YWHAG: variants seen among roughly 807,000 people sequenced by gnomAD.
The protein encoded by YWHAG is tyrosine 3-monooxygenase/tryptophan 5-monooxygenase activation protein gamma.
In YWHAG, 1 loss-of-function variant was observed where a neutral mutation model predicts 23.3. That is an observed-to-expected ratio of 0.04 (90% CI 0.02 to 0.20). The LOEUF (loss-of-function observed/expected upper bound fraction) is 0.20. Ranked by LOEUF, YWHAG falls within the 10% of genes least tolerant of loss-of-function variation. The probability of loss-of-function intolerance (pLI) is 1.00; values close to 1 mark genes in which losing one functional copy is unlikely to be tolerated. For missense variants in YWHAG, 151 were observed against 338.6 expected, an observed-to-expected ratio of 0.45 and a Z score of 4.35; for synonymous variants, 160 against 144.0, an observed-to-expected ratio of 1.11 and a Z score of -0.80.
In YWHAG at chr7:76,344,167, G is replaced by A. The variant is rs149120483; in HGVS notation, c.88-13934C>T. 1.4e-3 allele frequency among the ~76,000 whole-genome samples: 217 copies of A among 152,192 alleles called. 4 individuals carry two copies. The East Asian group carries it at 0.037, about 26-fold the overall frequency. On this transcript the variant is annotated intron_variant, in intron 1 of 1. Transcript: ENST00000307630. ...GCTCTGTTGCCTAGGCTGGAATGCA[G>A]TGGTGCGATATCGGCTCACTGCAGC...
chr7:76,335,768 T>C (rs1394278528), intron 1 of YWHAG, among the ~76,000 whole-genome samples: 3 of 152,196 alleles, frequency 2.0e-5, no homozygotes, highest in Non-Finnish European at 4.4e-5. Flanking sequence ...CTGGCCAACA[T>C]GGCGAAACCC....
rs950800770 is a variant in YWHAG at position 76,358,918 on chromosome 7, G to C, written c.-110C>G. ...GCCGGAGAGGACCGACCCACAGAGC[G>C]AGCAGCTGAGGCGGCGGCTGCGCGG... On this transcript the variant is annotated 5_prime_UTR_variant, in exon 1 of 2. Coordinates refer to ENST00000307630, the MANE Select transcript of YWHAG (RefSeq NM_012479.4). 2.9e-6 allele frequency: 3 copies of C among 1,030,580 alleles called. No homozygotes were observed. Among genetic ancestry groups the C allele is most frequent in the Admixed American group, 3.7e-5 (1 of 27,234 alleles). The allele number at this position is 1,030,580 out of a possible 1,614,324, so 63.8% of individuals were successfully genotyped here.
At chr7:76,337,209 A>G (rs1257963834) in intron 1 of YWHAG, among the ~76,000 whole-genome samples, 1 of 152,116 alleles carries the variant, frequency 6.6e-6, no homozygotes, top group African/African-American at 2.4e-5. Context: ...GGCATCTGAG[A>G]ACTTGGATTT....
At chr7:76,336,682 C>T (rs1488824343) in intron 1 of YWHAG, among the ~76,000 whole-genome samples, 4 of 151,804 alleles carry the variant, frequency 2.6e-5, no homozygotes, top group African/African-American at 9.7e-5. Flanking sequence ...TCTCGAACTC[C>T]TGACCTCAGG....
chr7:76,354,862 CTTAT>C (rs953736384), intron 1 of YWHAG, among the ~76,000 whole-genome samples: 3 of 152,190 alleles, frequency 2.0e-5, no homozygotes, highest in Non-Finnish European at 4.4e-5. Flanking sequence ...GTAAATTGTT[CTTAT>C]TTATTTGGGT....
chr7:76,357,360 C>T (rs1403838976), intron 1 of YWHAG, among the ~76,000 whole-genome samples: 2 of 152,194 alleles, frequency 1.3e-5, no homozygotes, highest in African/African-American at 2.4e-5. Context: ...AGGTACACTC[C>T]AGCATCCACT....
At chr7:76,358,561 G>A (rs906046733) in intron 1 of YWHAG, among the ~76,000 whole-genome samples, 161 bp downstream of exon 1, 1 of 152,134 alleles carries the variant, frequency 6.6e-6, no homozygotes, top group Admixed American at 6.5e-5. Flanking sequence ...CACAGCCCGG[G>A]TTCCCGTCGC....
intron 1 of YWHAG, among the ~76,000 whole-genome samples, chr7:76,338,162 T>A (rs1583986031): frequency 6.6e-6 from 1 of 152,182 alleles, no homozygotes; most frequent in Non-Finnish European, 1.5e-5. Flanking sequence ...ATACAACTTA[T>A]TCACATTGGA....
chr7:76,329,396 T>C lies in YWHAG; in HGVS notation c.*181A>G. 2 of 732,848 alleles carry C rather than the reference T, an allele frequency of 2.7e-6. No homozygotes were observed. The highest frequency in any genetic ancestry group is 4.3e-6 in the Non-Finnish European group (2 of 461,102). The allele number at this position is 732,848 out of a possible 1,614,324, so 45.4% of individuals were successfully genotyped here. ...CCAATACCAGCACAGCTAGCCTGAC[T>C]TTCCACTAGTGGTATTTTGGCAAAA... On this transcript the variant is annotated 3_prime_UTR_variant, in exon 2 of 2. Coordinates refer to ENST00000307630, the MANE Select transcript of YWHAG (RefSeq NM_012479.4). This position sits in a 1 kb window ranked among gnomAD's most constrained non-coding sequence, Gnocchi z 6.1.
At chr7:76,358,489 G>A (rs1047721454) in intron 1 of YWHAG, among the ~76,000 whole-genome samples, 1 of 151,986 alleles carries the variant, frequency 6.6e-6, no homozygotes, top group African/African-American at 2.4e-5. Context: ...CCCGGCCCGC[G>A]CCCGCGCCGG....
chr7:76,342,341 A>G (rs1803709972), intron 1 of YWHAG, among the ~76,000 whole-genome samples: 1 of 152,198 alleles, frequency 6.6e-6, no homozygotes, highest in South Asian at 2.1e-4. Context: ...AAATGCAGAT[A>G]ATCCACACCT....
At chr7:76,342,867 T>C (rs988509078) in intron 1 of YWHAG, among the ~76,000 whole-genome samples, 1 of 152,074 alleles carries the variant, frequency 6.6e-6, no homozygotes, top group Admixed American at 6.6e-5. Context: ...CCGGGCACAG[T>C]GGCTCACACC....
chr7:76,336,397 T>C (rs915755849), intron 1 of YWHAG, among the ~76,000 whole-genome samples: 3 of 151,472 alleles, frequency 2.0e-5, no homozygotes, highest in Non-Finnish European at 4.4e-5. Flanking sequence ...AGGGGGTATA[T>C]GGGAACTCCA....
rs565714203 is a variant in YWHAG, at chr7:76,327,289, T to C, written c.*2288A>G. On this transcript the variant is annotated 3_prime_UTR_variant, in exon 2 of 2. Coordinates refer to ENST00000307630, the MANE Select transcript of YWHAG (RefSeq NM_012479.4). ...TTTTGTCATAGGAATACATAACACC[T>C]ACAGTATAAGTTAATCAATTTCAAG... is the stretch of plus-strand genomic sequence containing the variant. 2 of 152,126 alleles carry C rather than the reference T, an allele frequency of 1.3e-5. No individual in the cohort carries two copies. The highest frequency in any genetic ancestry group is 2.9e-5 in the Non-Finnish European group (2 of 67,994). The allele number at this position is 152,126 out of a possible 1,614,324, so 9.4% of individuals were successfully genotyped here.
At chr7:76,340,026 T>C (rs977746607) in intron 1 of YWHAG, among the ~76,000 whole-genome samples, 40 of 152,256 alleles carry the variant, frequency 2.6e-4, no homozygotes, top group African/African-American at 9.6e-4. Context: ...GAGGCGGACA[T>C]TGCAGTGAGC....
At chr7:76,352,602 T>TA (rs1803891774) in intron 1 of YWHAG, among the ~76,000 whole-genome samples, 2 of 152,110 alleles carry the variant, frequency 1.3e-5, no homozygotes, top group South Asian at 4.1e-4. Context: ...AATGTTATGT[T>TA]AAAAATCTAA....
rs1803504158 is a variant in YWHAG, at chr7:76,329,297, G to A, written c.*280C>T. Reference sequence around the variant, plus strand: ...TGAAAACCCTATTATCTAGCAATAAGTTAAATTAGAGACAGACAGCTCCAC... The same window carrying A: ...TGAAAACCCTATTATCTAGCAATAAATTAAATTAGAGACAGACAGCTCCAC... On this transcript the variant is annotated 3_prime_UTR_variant, in exon 2 of 2. Transcript: ENST00000307630. This position sits in a 1 kb window ranked among gnomAD's most constrained non-coding sequence, Gnocchi z 6.1. 1 of 387,946 alleles carries A rather than the reference G, an allele frequency of 2.6e-6. No homozygotes were observed. Among genetic ancestry groups the A allele is most frequent in the Admixed American group, 4.2e-5 (1 of 23,848 alleles). 24.0% of individuals were successfully genotyped at this position (387,946 alleles called of 1,614,324 possible). A position where few individuals can be genotyped will look rare whatever the true frequency, so the allele number is the denominator to read the frequency against.
chr7:76,358,264 G>A (rs528658287), intron 1 of YWHAG, among the ~76,000 whole-genome samples: 5 of 152,290 alleles, frequency 3.3e-5, no homozygotes, highest in South Asian at 2.1e-4. Flanking sequence ...GGAAAACCGG[G>A]AGACCTGCTG....
At chr7:76,345,156 C>T (rs926860734) in intron 1 of YWHAG, among the ~76,000 whole-genome samples, 43 of 150,752 alleles carry the variant, frequency 2.9e-4, no homozygotes, top group Admixed American at 2.5e-3. Flanking sequence ...CATAGAGGAA[C>T]GTGACCATTA....
Sources: gnomAD v4.1 joint callset for allele counts (sites outside exome capture counted in the v4.1 genomes callset) on GRCh38, gnomAD v4.1.1 for gene constraint, Gnocchi (gnomAD v3.1) non-coding constraint, MANE v1.5 for transcripts, NCBI Gene and HGNC (gene_info 2026-07-23, HGNC 2026-07-21) for gene names.